Variants in COPS4 observed in about 807,000 individuals in gnomAD.
The protein encoded by COPS4 is COP9 signalosome complex subunit 4.
Under a neutral mutation model 55.1 loss-of-function variants are expected in COPS4, and 8 were observed. The observed-to-expected ratio is 0.15, with a 90% CI of 0.09 to 0.26. COPS4 has a LOEUF of 0.26. COPS4 is among the 10% of genes least tolerant of loss of function. COPS4 has a pLI of 1.00. For missense variants in COPS4, 248 were observed against 484.0 expected (o/e 0.51, Z 4.58); for synonymous variants, 185 against 165.7 (o/e 1.12, Z -0.90).
intron 9 of COPS4, among the ~76,000 whole-genome samples, chr4:83,069,595 C>T (rs1731370024): frequency 6.6e-6 from 1 of 152,126 alleles, no homozygotes; most frequent in Non-Finnish European, 1.5e-5. Flanking sequence ...TTTCTTAAAT[C>T]TCTGACTTTT....
intron 9 of COPS4, chr4:83,073,114 CTCTA>C: frequency 1.9e-6 from 1 of 515,052 alleles, no homozygotes; most frequent in Non-Finnish European, 3.5e-6. Context: ...GTTGTACAAC[CTCTA>C]TCTCTGTCTA....
At chr4:83,042,281 C>G (rs1730589451) in intron 1 of COPS4, among the ~76,000 whole-genome samples, 1 of 152,188 alleles carries the variant, frequency 6.6e-6, no homozygotes. Flanking sequence ...GTATCATACA[C>G]AGAATCTCAT....
At chr4:83,063,306 T>C (rs1731212249) in intron 7 of COPS4, 60 bp downstream of exon 7, 1 of 1,146,386 alleles carries the variant, frequency 8.7e-7, no homozygotes, top group East Asian at 2.8e-5. Context: ...CTAGTGAAAA[T>C]CATGTTAAAT....
intron 4 of COPS4, among the ~76,000 whole-genome samples, chr4:83,051,298 A>G (rs1047454963): frequency 5.9e-5 from 9 of 151,926 alleles, no homozygotes; most frequent in Non-Finnish European, 8.8e-5. Flanking sequence ...ATGGATATGC[A>G]TCTATACTCC....
chr4:83,057,704 C>T (rs1237903481), intron 6 of COPS4, among the ~76,000 whole-genome samples: 6 of 151,970 alleles, frequency 3.9e-5, no homozygotes, highest in Admixed American at 6.6e-5. Context: ...GGGTGGATCA[C>T]GAGGTCAGGA....
intron 5 of COPS4, 75 bp from the exon 6 acceptor site, chr4:83,057,183 T>G: frequency 6.6e-7 from 1 of 1,510,870 alleles, no homozygotes; most frequent in Non-Finnish European, 9.0e-7. Flanking sequence ...AGAAATTGTT[T>G]CTCTGTTTTG....
At chr4:83,057,437 G>C in intron 6 of COPS4, 29 bp downstream of exon 6, 1 of 1,516,710 alleles carries the variant, frequency 6.6e-7, no homozygotes, top group Non-Finnish European at 8.8e-7. Context: ...ATACTTAAAT[G>C]AACAGTTATC....
At chr4:83,036,267 C>G (rs1478813783) in intron 1 of COPS4, among the ~76,000 whole-genome samples, 9 of 151,540 alleles carry the variant, frequency 5.9e-5, no homozygotes, top group South Asian at 2.1e-4. Flanking sequence ...GACCCCCCCC[C>G]CCGCCGCCAC....
chr4:83,066,084 G>A (rs761446895), intron 7 of COPS4, among the ~76,000 whole-genome samples: 21 of 152,228 alleles, frequency 1.4e-4, no homozygotes, highest in South Asian at 2.1e-4. Context: ...CCTGGGAGGC[G>A]GAGGTTGCAG....
At chr4:83,072,240 A>AGTG (rs779034639) in intron 9 of COPS4, among the ~76,000 whole-genome samples, 7 of 151,576 alleles carry the variant, frequency 4.6e-5, no homozygotes, top group African/African-American at 7.3e-5. Context: ...ACGCACCACC[A>AGTG]CGCTCATGCA....
chr4:83,060,398 GA>G (rs1345163946), intron 6 of COPS4, among the ~76,000 whole-genome samples: 10 of 151,078 alleles, frequency 6.6e-5, no homozygotes, highest in Non-Finnish European at 1.5e-4. Context: ...GCCCAGGCTG[GA>G]GTGCAGTGGC....
intron 9 of COPS4, among the ~76,000 whole-genome samples, chr4:83,072,399 C>T (rs1731457808): frequency 6.6e-6 from 1 of 152,176 alleles, no homozygotes; most frequent in Non-Finnish European, 1.5e-5. Context: ...TGCACTGCAC[C>T]CGGCCGAATT....
At chr4:83,066,805 G>C (rs1189125307) in intron 8 of COPS4, among the ~76,000 whole-genome samples, 1 of 152,132 alleles carries the variant, frequency 6.6e-6, no homozygotes, top group Admixed American at 6.5e-5. Flanking sequence ...GTGATAAAGT[G>C]ACCTAGAATA....
intron 9 of COPS4, among the ~76,000 whole-genome samples, chr4:83,073,911 C>A (rs1465890172): frequency 6.6e-6 from 1 of 151,226 alleles, no homozygotes; most frequent in South Asian, 2.1e-4. Flanking sequence ...GAGCTGATAT[C>A]GCGCCACTGC....
chr4:83,067,344 C>T (rs987882411), intron 8 of COPS4, among the ~76,000 whole-genome samples: 2 of 151,754 alleles, frequency 1.3e-5, no homozygotes, highest in African/African-American at 2.4e-5. Flanking sequence ...CAGGTTCAGG[C>T]GATTCTCCTA....
At position 83,049,908 on chromosome 4, in the gene COPS4, T is replaced by A. The variant is rs1223943127; in HGVS notation, c.334T>A (p.Ser112Thr). Reference sequence around the variant, plus strand: ...TGCTTCCATAAGACAGCATCTTGCATCTATATATGAGAAAGAAGAAGATTG... The same window carrying A: ...TGCTTCCATAAGACAGCATCTTGCAACTATATATGAGAAAGAAGAAGATTG... ...QVASIRQHLA[S>T]IYEKEEDWRN... The change falls in exon 4 of 10, where the codon TCT (serine) becomes ACT (threonine). Residue 112 changes from serine (S) to threonine (T), a missense_variant. By Grantham distance (58) the Ser-to-Thr change is moderately conservative. This residue lies in a region of COPS4 where 155 missense variants were observed against 326.6 expected (regional missense o/e 0.47). Transcript: ENST00000264389. 6.2e-7 allele frequency: 1 copy of A among 1,609,110 alleles called. No individual in the cohort carries two copies. Among genetic ancestry groups the A allele is most frequent in the South Asian group, 1.1e-5 (1 of 89,708 alleles).
Position 83,040,989 on chromosome 4 carries a change from G to C in COPS4, c.75-4637G>C, listed in dbSNP as rs192384090. ...CATTAAAGATGCTCAATTCACTGATGATAAATGGATAGGAGAGATGTATGA... is the reference window on the plus strand; with the variant it reads ...CATTAAAGATGCTCAATTCACTGATCATAAATGGATAGGAGAGATGTATGA... On this transcript the variant is annotated intron_variant, in intron 1 of 9. Coordinates refer to ENST00000264389, the MANE Select transcript of COPS4 (RefSeq NM_016129.3). 3.1e-4 allele frequency among the ~76,000 whole-genome samples: 46 copies of C among 150,214 alleles called. No individual in the cohort carries two copies. In the East Asian group the frequency reaches 8.8e-3, roughly 29 times the overall value.
Position 83,063,167 on chromosome 4 carries a change from A to C in COPS4, c.807A>C (p.Leu269=). The C allele has an allele frequency of 6.2e-7, 1 of 1,612,756 alleles. No individual in the cohort carries two copies. Among genetic ancestry groups the C allele is most frequent in the Non-Finnish European group, 8.5e-7 (1 of 1,179,572 alleles). Residue 269 remains leucine, a synonymous_variant, in exon 7 of 10, where the codon CTA becomes CTC. Coordinates refer to ENST00000264389, the MANE Select transcript of COPS4 (RefSeq NM_016129.3). ...ATGGGATCCTAGAGAAAATGTATCT[A>C]GATAGGATCATCAGAGGAAATCAAC... The part of the protein sequence containing the change: ...AAYGILEKMY[L]DRIIRGNQLQ...
chr4:83,072,646 AGTT>A lies in COPS4; in HGVS notation c.1088-2647_1088-2645del, dbSNP rs576165597. Among the ~76,000 whole-genome samples, 792 of 152,236 alleles carry A rather than the reference AGTT, an allele frequency of 5.2e-3. 12 individuals are homozygous for A. Among genetic ancestry groups the A allele is most frequent in the Middle Eastern group, 0.02 (6 of 294 alleles). The stretch of plus-strand genomic sequence containing the variant: ...TGTGGATAATTTTAGGTTATGGTCT[AGTT>A]GTTTTTTTCTAGGTGAATAGCCAAT... On this transcript the variant is annotated intron_variant, in intron 9 of 9. Coordinates refer to ENST00000264389, the MANE Select transcript of COPS4 (RefSeq NM_016129.3).
Sources: gnomAD v4.1 joint callset for allele counts (sites outside exome capture counted in the v4.1 genomes callset) on GRCh38, gnomAD v4.1.1 for gene constraint, gnomAD v4.1.1 regional missense constraint, MANE v1.5 for transcripts, NCBI Gene and HGNC (gene_info 2026-07-23, HGNC 2026-07-21) for gene names.